The following PCDHGA4 variants were observed in gnomAD, a reference collection of about 807,000 sequenced individuals.
The protein encoded by PCDHGA4 is protocadherin gamma subfamily A, 4.
PCDHGA4 carries 38 observed loss-of-function variants against 54.6 expected under a neutral mutation model. That is an observed-to-expected ratio of 0.70 (90% confidence interval 0.54 to 0.91). PCDHGA4 has a LOEUF of 0.91. Ranked by LOEUF, PCDHGA4 falls within the 40% of genes least tolerant of loss-of-function variation. The pLI is 0.00. For missense variants in PCDHGA4, 1,298 were observed against 1,220.9 expected (o/e 1.06, Z -0.94); for synonymous variants, 511 against 512.9 (o/e 1.00, Z 0.05).
chr5:141,428,354 T>G, intron 1 of PCDHGA4: 1 of 572,018 alleles, frequency 1.7e-6, no homozygotes. Context: ...GCAGTGATTT[T>G]GGCGGTCGCC....
intron 1 of PCDHGA4, chr5:141,398,610 T>C: frequency 6.2e-7 from 1 of 1,614,020 alleles, no homozygotes. Context: ...AAGATGCAGA[T>C]ATTGGCTTAA....
At chr5:141,444,507 G>C (rs1213059531) in intron 1 of PCDHGA4, among the ~76,000 whole-genome samples, 1 of 152,068 alleles carries the variant, frequency 6.6e-6, no homozygotes, top group Non-Finnish European at 1.5e-5. Context: ...CTTTGCTCTA[G>C]CAGTATAGTA....
intron 1 of PCDHGA4, among the ~76,000 whole-genome samples, chr5:141,433,809 C>A (rs913637407): frequency 5.3e-5 from 8 of 149,948 alleles, no homozygotes; most frequent in Non-Finnish European, 1.2e-4. Flanking sequence ...TGCACTCCAG[C>A]CTGGGCAACA....
chr5:141,415,336 C>T (rs746539261), intron 1 of PCDHGA4: 5 of 1,614,200 alleles, frequency 3.1e-6, no homozygotes, highest in South Asian at 2.2e-5. Flanking sequence ...GCACAGGCTG[C>T]GGCGCTGGCA....
chr5:141,397,223 TATG>T lies in PCDHGA4; in HGVS notation c.2514+39604_2514+39606del, dbSNP rs543267212. ...ATGACATAAGAGAAGTATTTTGAGA[TATG>T]AAGAAGAGCAACGTAGTAGGGTATA... is the stretch of plus-strand genomic sequence containing the variant. On this transcript the variant is annotated intron_variant, in intron 1 of 3. Coordinates refer to ENST00000571252, the MANE Select transcript of PCDHGA4 (RefSeq NM_018917.4). Among the ~76,000 whole-genome samples, 432 of 152,304 alleles carry T rather than the reference TATG, an allele frequency of 2.8e-3. 2 individuals carry two copies. Among genetic ancestry groups the T allele is most frequent in the Admixed American group, 9.4e-3 (144 of 15,310 alleles).
At chr5:141,481,013 A>G (rs1198627648) in intron 1 of PCDHGA4, among the ~76,000 whole-genome samples, 1 of 152,164 alleles carries the variant, frequency 6.6e-6, no homozygotes, top group Admixed American at 6.5e-5. Context: ...AGCCCAGATC[A>G]CACCACTGCA....
intron 1 of PCDHGA4, chr5:141,419,076 C>G: frequency 6.2e-7 from 1 of 1,613,956 alleles, no homozygotes; most frequent in Non-Finnish European, 8.5e-7. Context: ...AAGCTAGTAA[C>G]AGATGAGGCC....
chr5:141,380,196 G>A (rs1002706852), intron 1 of PCDHGA4, among the ~76,000 whole-genome samples: 3 of 152,110 alleles, frequency 2.0e-5, no homozygotes, highest in Non-Finnish European at 2.9e-5. Flanking sequence ...CACTGAGCCC[G>A]GCCTGAAAGG....
chr5:141,490,565 T>C lies in PCDHGA4; in HGVS notation c.2515-4242T>C. ...CTACACAAACATCTCACCATCAGGC[T>C]CAACATTTCAGATGTCAATGACAAT... On this transcript the variant is annotated intron_variant, in intron 1 of 3. Coordinates refer to ENST00000571252, the MANE Select transcript of PCDHGA4 (RefSeq NM_018917.4). This position sits in a 1 kb window ranked among gnomAD's most constrained non-coding sequence, Gnocchi z 5.4. 8 of 1,614,116 alleles carry C rather than the reference T, an allele frequency of 5.0e-6. No individual in the cohort carries two copies. Among genetic ancestry groups the C allele is most frequent in the Non-Finnish European group, 6.8e-6 (8 of 1,180,024 alleles).
At chr5:141,478,808 T>C in intron 1 of PCDHGA4, 1 of 1,459,124 alleles carries the variant, frequency 6.9e-7, no homozygotes, top group African/African-American at 1.4e-5. Flanking sequence ...TCTTTTGCTA[T>C]CACAACTAAC....
At position 141,399,661 on chromosome 5, in the gene PCDHGA4, G is replaced by T. The variant is rs1021211609; in HGVS notation, c.2514+42040G>T. The T allele has an allele frequency of 6.8e-6, 11 of 1,613,526 alleles. No individual in the cohort carries two copies. Among genetic ancestry groups the T allele is most frequent in the Non-Finnish European group, 9.3e-6 (11 of 1,179,892 alleles). ...GAGCGCGCAAAGTGGGGTGGTGTTC[G>T]CGCAGCGCGCCTTTGACTACGAGCA... On this transcript the variant is annotated intron_variant, in intron 1 of 3. Transcript: ENST00000571252.
At chr5:141,430,931 G>C (rs781580216) in intron 1 of PCDHGA4, 2 of 1,607,530 alleles carry the variant, frequency 1.2e-6, no homozygotes, top group Admixed American at 1.7e-5. Flanking sequence ...GGAGCCCCGG[G>C]AGCTCGCGGA....
At chr5:141,397,920 T>A (rs2093586320) in intron 1 of PCDHGA4, 15 of 727,102 alleles carry the variant, frequency 2.1e-5, no homozygotes, top group Non-Finnish European at 3.3e-5. Flanking sequence ...CCAGATCTCC[T>A]CGCGCAGCCG....
intron 1 of PCDHGA4, chr5:141,405,042 T>C (rs765018710): frequency 1.2e-6 from 2 of 1,613,144 alleles, no homozygotes; most frequent in South Asian, 1.1e-5. Flanking sequence ...GTTGTGGCTG[T>C]GGCAGTCGTC....
chr5:141,376,155 T>C, intron 1 of PCDHGA4: 1 of 1,614,062 alleles, frequency 6.2e-7, no homozygotes, highest in Non-Finnish European at 8.5e-7. Context: ...GACCTCACTC[T>C]GTACCTGGTG....
intron 1 of PCDHGA4, among the ~76,000 whole-genome samples, chr5:141,446,746 C>T (rs1413869259): frequency 6.6e-6 from 1 of 152,170 alleles, no homozygotes; most frequent in Non-Finnish European, 1.5e-5. Context: ...GGATTACAGG[C>T]GTGAGCCACC....
At position 141,484,465 on chromosome 5, in the gene PCDHGA4, A is replaced by G. The variant is rs2099596840; in HGVS notation, c.2515-10342A>G. On this transcript the variant is annotated intron_variant, in intron 1 of 3. Coordinates refer to ENST00000571252, the MANE Select transcript of PCDHGA4 (RefSeq NM_018917.4). ...ATTTAATTGGCTACGTTAATGTGTA[A>G]GCCTTTTCTGCAAAGAGATGGATCC... is the stretch of plus-strand genomic sequence containing the variant. Among the ~76,000 whole-genome samples, 4 of 152,236 alleles carry G rather than the reference A, an allele frequency of 2.6e-5. No individual in the cohort carries two copies. In the South Asian group the frequency reaches 6.2e-4, roughly 24 times the overall value.
chr5:141,410,598 C>T, intron 1 of PCDHGA4: 2 of 1,608,528 alleles, frequency 1.2e-6, no homozygotes, highest in Non-Finnish European at 1.7e-6. Context: ...GATTTGACTT[C>T]ACATCCTGAG....
intron 1 of PCDHGA4, chr5:141,403,769 A>G (rs2094453064): frequency 6.2e-7 from 1 of 1,613,948 alleles, no homozygotes; most frequent in Non-Finnish European, 8.5e-7. Context: ...GGATGAGGGA[A>G]TCAACGGAAA....
Sources: allele counts gnomAD v4.1 joint callset (sites outside exome capture counted in the v4.1 genomes callset), GRCh38; gene constraint gnomAD v4.1.1; non-coding constraint Gnocchi (gnomAD v3.1); transcripts MANE v1.5; gene names NCBI Gene and HGNC (gene_info 2026-07-23, HGNC 2026-07-21).